BBOX1: variants seen among roughly 807,000 people sequenced by gnomAD.
BBOX1 encodes the protein gamma-butyrobetaine dioxygenase.
BBOX1 carries 35 observed loss-of-function variants against 41.6 expected under a neutral mutation model. The observed-to-expected ratio is 0.84, with a 90% CI of 0.64 to 1.11. BBOX1 has a LOEUF of 1.11. Ranked by LOEUF, BBOX1 falls within the 50% of genes most tolerant of loss-of-function variation. The pLI is 0.00. For synonymous variants in BBOX1, 163 were observed against 154.7 expected (o/e 1.05, Z -0.40); for missense variants, 458 against 460.6 (o/e 0.99, Z 0.05).
In BBOX1 at chr11:27,093,202, C is replaced by T. The variant is rs1858312400; in HGVS notation, c.369C>T (p.Pro123=). The T allele has an allele frequency of 1.2e-6, 2 of 1,612,276 alleles. No individual in the cohort carries two copies. Among genetic ancestry groups the T allele is most frequent in the African/African-American group, 1.3e-5 (1 of 74,866 alleles). Residue 123 remains proline, a synonymous_variant, in exon 5 of 9, where the codon CCC becomes CCT. Coordinates refer to ENST00000263182, the MANE Select transcript of BBOX1 (RefSeq NM_003986.3). ...ACTGGGGCTCAGAGCTCCAGCTACC[C>T]ACTTTGGATTTTGAAGATGTTTTAA... is the stretch of plus-strand genomic sequence containing the variant. The part of the protein sequence containing the change: ...CQYWGSELQL[P]TLDFEDVLRY...
chr11:27,113,129 C>T (rs1264933282), intron 5 of BBOX1, among the ~76,000 whole-genome samples: 3 of 151,816 alleles, frequency 2.0e-5, no homozygotes, highest in Non-Finnish European at 2.9e-5. Context: ...GTCAGAATGG[C>T]TATTATAAAA....
intron 7 of BBOX1, among the ~76,000 whole-genome samples, chr11:27,124,294 T>G (rs551110566): frequency 6.0e-4 from 91 of 152,232 alleles, no homozygotes; most frequent in African/African-American, 2.1e-3. Flanking sequence ...CCTAGGTACT[T>G]TGCCACCATC....
At chr11:27,102,503 C>G (rs568944839) in intron 5 of BBOX1, among the ~76,000 whole-genome samples, 1 of 152,084 alleles carries the variant, frequency 6.6e-6, no homozygotes, top group South Asian at 2.1e-4. Flanking sequence ...TAATGGCTTT[C>G]CTAAGTTTTA....
In BBOX1 at chr11:27,081,178, T is replaced by C. The variant is rs537020503; in HGVS notation, c.335-11990T>C. Among the ~76,000 whole-genome samples, 316 of 152,286 alleles carry C rather than the reference T, an allele frequency of 2.1e-3. 1 individual carries two copies. The highest frequency in any genetic ancestry group is 3.8e-3 in the Non-Finnish European group (261 of 68,018). On this transcript the variant is annotated intron_variant, in intron 4 of 8. Transcript: ENST00000263182. ...TCTATATGTGCTTAGTAAGTTCTTT[T>C]TCAATGAACTAGCTTCAGAAATAAA... is the stretch of plus-strand genomic sequence containing the variant.
At chr11:27,066,179 ACAAG>A (rs1446693920) in intron 4 of BBOX1, among the ~76,000 whole-genome samples, 1 of 152,174 alleles carries the variant, frequency 6.6e-6, no homozygotes, top group African/African-American at 2.4e-5. Flanking sequence ...CTCCATTTCT[ACAAG>A]CTAGGCTTTT....
intron 5 of BBOX1, among the ~76,000 whole-genome samples, chr11:27,100,257 G>A (rs921040017): frequency 6.6e-6 from 1 of 152,096 alleles, no homozygotes; most frequent in Non-Finnish European, 1.5e-5. Flanking sequence ...CCAGAAAACA[G>A]TTGTGAAGTA....
At chr11:27,057,866 T>A (rs532616610) in intron 4 of BBOX1, among the ~76,000 whole-genome samples, 2 of 152,074 alleles carry the variant, frequency 1.3e-5, no homozygotes, top group Non-Finnish European at 2.9e-5. Context: ...TATATAGGTT[T>A]CAAGGGGATC....
chr11:27,120,457 C>T (rs949087350), intron 7 of BBOX1, among the ~76,000 whole-genome samples: 1 of 152,124 alleles, frequency 6.6e-6, no homozygotes, highest in Non-Finnish European at 1.5e-5. Context: ...ATGTTCAACT[C>T]TGGAGCAGGG....
rs73434012 is a variant in BBOX1 at position 27,125,747 on chromosome 11, T to C, written c.930T>C (p.Phe310=). 7,636 of 1,613,864 alleles carry C rather than the reference T, an allele frequency of 4.7e-3. 190 individuals are homozygous for C. The African/African-American group carries it at 0.065, about 14-fold the overall frequency. ...TGCCTGTTGAAAGAGTTCAGCCTTT[T>C]TATGCTGCTCTGAAGGAGTTTGTTG... ...FDVPVERVQP[F]YAALKEFVDL... Residue 310 remains phenylalanine (F), a synonymous_variant, in exon 8 of 9, where the codon TTT becomes TTC. Transcript: ENST00000263182.
chr11:27,094,626 C>A (rs952698000), intron 5 of BBOX1, among the ~76,000 whole-genome samples: 1 of 151,980 alleles, frequency 6.6e-6, no homozygotes, highest in Non-Finnish European at 1.5e-5. Context: ...GAATCCTCCA[C>A]GCTCTCCAGA....
At chr11:27,073,797 C>G (rs889846951) in intron 4 of BBOX1, among the ~76,000 whole-genome samples, 1 of 151,940 alleles carries the variant, frequency 6.6e-6, no homozygotes, top group African/African-American at 2.4e-5. Flanking sequence ...TCATTCTCAG[C>G]AAACTATCAC....
rs1331971822 is a variant in BBOX1 at position 27,118,504 on chromosome 11, C to T, written c.640-1145C>T. On this transcript the variant is annotated intron_variant, in intron 6 of 8. Transcript: ENST00000263182. ...TGGATTATGTGGGGCAGAGATAAGG[C>T]ACCACATCTTTAATGAAACAGAGAT... 2.6e-5 allele frequency among the ~76,000 whole-genome samples: 4 copies of T among 152,056 alleles called. No homozygotes were observed. The South Asian group carries it at 8.3e-4, about 32-fold the overall frequency.
intron 2 of BBOX1, among the ~76,000 whole-genome samples, chr11:27,051,704 G>T (rs1381660296): frequency 2.0e-5 from 3 of 151,556 alleles, no homozygotes; most frequent in Admixed American, 1.3e-4. Flanking sequence ...TTCTCTCTTT[G>T]TTTCTTAGGT....
At chr11:27,043,206 G>GGCGCCCGCCACC (rs1437229035) in intron 2 of BBOX1, among the ~76,000 whole-genome samples, 1 of 152,202 alleles carries the variant, frequency 6.6e-6, no homozygotes, top group Non-Finnish European at 1.5e-5. Context: ...TGGGACTACA[G>GGCGCCCGCCACC]GCGCCCGCCA....
At chr11:27,075,547 G>T (rs911541676) in intron 4 of BBOX1, among the ~76,000 whole-genome samples, 2 of 152,048 alleles carry the variant, frequency 1.3e-5, no homozygotes, top group African/African-American at 4.8e-5. Context: ...TCTTACCAGG[G>T]GGAAGGATGG....
intron 2 of BBOX1, among the ~76,000 whole-genome samples, chr11:27,052,202 CT>C (rs1212385295): frequency 6.6e-5 from 10 of 151,988 alleles, no homozygotes; most frequent in African/African-American, 2.4e-4. Context: ...AATAATAAAA[CT>C]TTTTGTGAGA....
At chr11:27,074,144 C>T (rs999619793) in intron 4 of BBOX1, among the ~76,000 whole-genome samples, 1 of 152,020 alleles carries the variant, frequency 6.6e-6, no homozygotes, top group African/African-American at 2.4e-5. Context: ...TCCCCTTCAC[C>T]TTCCACCATG....
At chr11:27,053,670 T>C (rs1856884082) in intron 2 of BBOX1, among the ~76,000 whole-genome samples, 1 of 152,204 alleles carries the variant, frequency 6.6e-6, no homozygotes, top group East Asian at 1.9e-4. Flanking sequence ...CAACCCTTTC[T>C]CTTGTCAGGA....
intron 4 of BBOX1, among the ~76,000 whole-genome samples, chr11:27,089,075 C>T (rs1223864391): frequency 6.6e-6 from 1 of 151,860 alleles, no homozygotes; most frequent in Non-Finnish European, 1.5e-5. Flanking sequence ...AATGATAGCA[C>T]CTGGTAAGAG....
Sources: allele counts gnomAD v4.1 joint callset (sites outside exome capture counted in the v4.1 genomes callset), GRCh38; gene constraint gnomAD v4.1.1; transcripts MANE v1.5; gene names NCBI Gene and HGNC (gene_info 2026-07-23, HGNC 2026-07-21).